The following DCLK1 variants were observed in gnomAD, a reference collection of about 807,000 sequenced individuals.
DCLK1 encodes the protein serine/threonine-protein kinase DCLK1.
A neutral mutation model predicts 86.2 loss-of-function variants in DCLK1; 16 were observed. The observed-to-expected ratio is 0.19, with a 90% CI of 0.13 to 0.28. The LOEUF is 0.28. Among genes scored for constraint, DCLK1 ranks in the 10% least tolerant of loss-of-function variants. The pLI is 1.00. For synonymous variants in DCLK1, 369 were observed against 370.5 expected (o/e 1.00, Z 0.05); for missense variants, 590 against 940.2 (o/e 0.63, Z 4.87).
At chr13:35,897,112 G>A (rs1288808326) in intron 4 of DCLK1, among the ~76,000 whole-genome samples, 1 of 152,102 alleles carries the variant, frequency 6.6e-6, no homozygotes, top group East Asian at 1.9e-4. Context: ...TGAATCAAGA[G>A]GATTCTGGAG....
intron 3 of DCLK1, among the ~76,000 whole-genome samples, chr13:36,040,232 A>T (rs530973388): frequency 6.6e-6 from 1 of 151,332 alleles, no homozygotes; most frequent in African/African-American, 2.4e-5. Context: ...GATCTCCTTT[A>T]TGACACCACA....
chr13:35,839,761 A>G (rs1282727923), intron 6 of DCLK1, among the ~76,000 whole-genome samples: 1 of 148,926 alleles, frequency 6.7e-6, no homozygotes, highest in African/African-American at 2.5e-5. Flanking sequence ...AGTCTGAAGT[A>G]AAGACAACAA....
intron 11 of DCLK1, 119 bp from the exon 12 acceptor site, chr13:35,811,087 C>T (rs1454740047): frequency 3.9e-5 from 49 of 1,267,418 alleles, no homozygotes; most frequent in Middle Eastern, 2.7e-4. Context: ...ATAAATTAGG[C>T]AATTATGCAA....
intron 8 of DCLK1, among the ~76,000 whole-genome samples, chr13:35,828,831 C>T (rs951331080): frequency 6.6e-6 from 1 of 152,134 alleles, no homozygotes; most frequent in Admixed American, 6.5e-5. Context: ...GGTTCTCTAT[C>T]CACCCAGGGC....
rs1362028770 is a variant in DCLK1 at position 35,864,559 on chromosome 13, C to T, written c.940+6665G>A. ...CAGCCTGGGCGACAGAGCGAGACTC[C>T]GTCTCAAAAAAAAAAAAAAAAAAAA... On this transcript the variant is annotated intron_variant, in intron 5 of 16. Transcript: ENST00000360631. Among the ~76,000 whole-genome samples, 10 of 48,438 alleles carry T rather than the reference C, an allele frequency of 2.1e-4. 1 individual carries two copies. The highest frequency in any genetic ancestry group is 1.4e-3 in the East Asian group (3 of 2,206). The allele number at this position is 48,438 out of a possible 152,430, so 31.8% of individuals were successfully genotyped here.
intron 4 of DCLK1, among the ~76,000 whole-genome samples, chr13:35,941,023 A>T (rs1418988): frequency 1 from 152,181 of 152,186 alleles, 76,088 homozygotes; most frequent in Middle Eastern, 1. Flanking sequence ...CCGTTACAAC[A>T]CAGGAAAAAA....
At chr13:36,072,479 A>AT (rs1420646824) in intron 3 of DCLK1, among the ~76,000 whole-genome samples, 1 of 152,154 alleles carries the variant, frequency 6.6e-6, no homozygotes, top group Non-Finnish European at 1.5e-5. Flanking sequence ...TATTATCTAT[A>AT]TGCTAATGTC....
intron 3 of DCLK1, among the ~76,000 whole-genome samples, chr13:36,057,076 A>T (rs1007078921): frequency 1.3e-5 from 2 of 152,038 alleles, no homozygotes; most frequent in African/African-American, 4.8e-5. Context: ...ACACACACAC[A>T]TACATATGAA....
chr13:35,859,303 G>A (rs1871252238), intron 5 of DCLK1, among the ~76,000 whole-genome samples: 2 of 152,094 alleles, frequency 1.3e-5, no homozygotes, highest in Non-Finnish European at 2.9e-5. Flanking sequence ...ACCCAGTTCT[G>A]GTCTCCTTTG....
intron 3 of DCLK1, among the ~76,000 whole-genome samples, chr13:36,047,636 G>C (rs770108777): frequency 2.6e-5 from 4 of 152,178 alleles, no homozygotes; most frequent in Non-Finnish European, 4.4e-5. Context: ...ATCTATAGTA[G>C]TTGAACTCAT....
intron 3 of DCLK1, among the ~76,000 whole-genome samples, chr13:35,999,073 G>A (rs944229629): frequency 2.1e-4 from 32 of 152,136 alleles, no homozygotes; most frequent in African/African-American, 7.5e-4. Context: ...TGGCCGACAC[G>A]GTGAAACCCC....
chr13:36,086,835 G>GTA (rs2138125940), intron 3 of DCLK1, among the ~76,000 whole-genome samples: 1 of 152,280 alleles, frequency 6.6e-6, no homozygotes, highest in South Asian at 2.1e-4. Context: ...ATTCCATGGT[G>GTA]TATATGTGCC....
At position 35,962,048 on chromosome 13, in the gene DCLK1, C is replaced by T. The variant is rs770932892; in HGVS notation, c.724-14591G>A. Among the ~76,000 whole-genome samples, 88 of 152,284 alleles carry T rather than the reference C, an allele frequency of 5.8e-4. No individual in the cohort carries two copies. The Middle Eastern group carries it at 0.017, about 29-fold the overall frequency. On this transcript the variant is annotated intron_variant, in intron 3 of 16. Transcript: ENST00000360631. Reference sequence around the variant, plus strand: ...GCCCTTCAGTGTCCAAACACATGTACTGTTAACAAAAATTTTTCAGCTCAA... The same window carrying T: ...GCCCTTCAGTGTCCAAACACATGTATTGTTAACAAAAATTTTTCAGCTCAA...
In DCLK1 at chr13:36,080,315, C is replaced by T. The variant is rs1031403034; in HGVS notation, c.723+31554G>A. On this transcript the variant is annotated intron_variant, in intron 3 of 16. Transcript: ENST00000360631. ...AGGCAGCAAGAAAACCAAGAGAACA[C>T]GATATCATGCAGGATCAAAGGAGAG... Among the ~76,000 whole-genome samples the T allele has an allele frequency of 9.2e-5, 14 of 152,156 alleles. No individual in the cohort carries two copies. In the South Asian group the frequency reaches 2.5e-3, roughly 27 times the overall value.
chr13:36,008,841 C>T (rs1881147579), intron 3 of DCLK1, among the ~76,000 whole-genome samples: 1 of 150,670 alleles, frequency 6.6e-6, no homozygotes, highest in Admixed American at 6.6e-5. Context: ...GTCTCACCAA[C>T]AGTGTAAAAG....
chr13:35,899,597 A>T (rs1874226208), intron 4 of DCLK1, among the ~76,000 whole-genome samples: 1 of 152,204 alleles, frequency 6.6e-6, no homozygotes, highest in Admixed American at 6.5e-5. Flanking sequence ...ATTACAATGC[A>T]GCACAGTGAT....
chr13:36,014,961 T>A (rs1203061255), intron 3 of DCLK1, among the ~76,000 whole-genome samples: 1 of 151,618 alleles, frequency 6.6e-6, no homozygotes, highest in African/African-American at 2.4e-5. Context: ...TACCATGTTC[T>A]AATGTGCCAT....
At chr13:35,777,878 G>C (rs2086451633) in intron 16 of DCLK1, among the ~76,000 whole-genome samples, 1 of 152,174 alleles carries the variant, frequency 6.6e-6, no homozygotes, top group South Asian at 2.1e-4. Flanking sequence ...TTCCTTCTCT[G>C]TTTCCATGAC....
At chr13:35,796,263 T>C (rs2086809664) in intron 15 of DCLK1, among the ~76,000 whole-genome samples, 1 of 152,182 alleles carries the variant, frequency 6.6e-6, no homozygotes, top group African/African-American at 2.4e-5. Context: ...AATGATGAGA[T>C]ACTTTGAAAA....
Sources: gnomAD v4.1 joint callset for allele counts (sites outside exome capture counted in the v4.1 genomes callset) on GRCh38, gnomAD v4.1.1 for gene constraint, MANE v1.5 for transcripts, NCBI Gene and HGNC (gene_info 2026-07-23, HGNC 2026-07-21) for gene names.